The following MANSC1 variants were observed in gnomAD, a reference collection of about 807,000 sequenced individuals.
The protein encoded by MANSC1 is MANSC domain containing 1.
A neutral mutation model predicts 14.1 loss-of-function variants in MANSC1; 13 were observed. The observed-to-expected ratio is 0.92, with a 90% CI of 0.60 to 1.46. The LOEUF is 1.46. Among genes scored for constraint, MANSC1 ranks in the 40% most tolerant of loss-of-function variants. The pLI is 0.00. For missense variants in MANSC1, 486 were observed against 511.4 expected (o/e 0.95, Z 0.48); for synonymous variants, 227 against 200.7 (o/e 1.13, Z -1.11).
At position 12,350,143 on chromosome 12, in the gene MANSC1, G is replaced by A. The variant is rs1863059290; in HGVS notation, c.-166C>T. The A allele has an allele frequency of 6.6e-6, 1 of 152,318 alleles. No homozygotes were observed. The highest frequency in any genetic ancestry group is 2.4e-5 in the African/African-American group (1 of 41,466). The allele number at this position is 152,318 out of a possible 1,614,324, so 9.4% of individuals were successfully genotyped here. ...GTGCGAGGACAGCTCTGTCGCGCCCGCGGGAAGGACCGGCGAATCCGCGCG... is the reference window on the plus strand; with the variant it reads ...GTGCGAGGACAGCTCTGTCGCGCCCACGGGAAGGACCGGCGAATCCGCGCG... On this transcript the variant is annotated 5_prime_UTR_variant, in exon 1 of 4. Coordinates refer to ENST00000535902, the MANE Select transcript of MANSC1 (RefSeq NM_018050.4).
chr12:12,343,167 T>C lies in MANSC1; in HGVS notation c.148A>G (p.Arg50Gly), dbSNP rs1444784069. 2.5e-6 allele frequency: 4 copies of C among 1,614,084 alleles called. No homozygotes were observed. The highest frequency in any genetic ancestry group is 1.7e-5 in the Admixed American group (1 of 60,028). The change falls in exon 2 of 4, where the codon AGA becomes GGA. Residue 50 changes from arginine (R) to glycine (G), a missense_variant. Transcript: ENST00000535902. ...GAAGTATATACGGGCTCATTGCCTCTGATTCCCTTAGAAAGAGATGACTGG... is the reference window on the plus strand; with the variant it reads ...GAAGTATATACGGGCTCATTGCCTCCGATTCCCTTAGAAAGAGATGACTGG... ...DIQSSLSKGI[R>G]GNEPVYTSTQ...
chr12:12,338,586 G>T, intron 2 of MANSC1, 26 bp from the exon 3 acceptor site: 2 of 1,606,048 alleles, frequency 1.2e-6, no homozygotes, highest in Non-Finnish European at 1.7e-6. Context: ...TCATAAGCAT[G>T]ATTTTGAAAT....
rs1322580294 is a variant in MANSC1, at chr12:12,333,098, G to A, written c.365-2140C>T. 4.6e-5 allele frequency among the ~76,000 whole-genome samples: 7 copies of A among 151,744 alleles called. No individual in the cohort carries two copies. In the South Asian group the frequency reaches 6.3e-4, roughly 14 times the overall value. On this transcript the variant is annotated intron_variant, in intron 3 of 3. Coordinates refer to ENST00000535902, the MANE Select transcript of MANSC1 (RefSeq NM_018050.4). ...GTCTTGCTCTGTCACCCAGGCTGGA[G>A]TGCAGTGGCACAAACACAGCTCACT...
chr12:12,338,389 C>G (rs1371178741), intron 3 of MANSC1, 31 bp downstream of exon 3: 2 of 1,534,526 alleles, frequency 1.3e-6, no homozygotes, highest in African/African-American at 2.8e-5. Context: ...TTATTCCAAT[C>G]ACAAAAGAAA....
At chr12:12,336,140 AAAC>A (rs1042413098) in intron 3 of MANSC1, among the ~76,000 whole-genome samples, 6 of 152,172 alleles carry the variant, frequency 3.9e-5, no homozygotes, top group South Asian at 2.1e-4. Context: ...TCTGTCTCAA[AAAC>A]AACAACAACA....
At position 12,350,160 on chromosome 12, in the gene MANSC1, A is replaced by T. The variant is rs1863059579; in HGVS notation, c.-183T>A. 1 of 152,230 alleles carries T rather than the reference A, an allele frequency of 6.6e-6. No homozygotes were observed. The highest frequency in any genetic ancestry group is 1.5e-5 in the Non-Finnish European group (1 of 68,070). 9.4% of individuals were successfully genotyped at this position (152,230 alleles called of 1,614,324 possible). A position where few individuals can be genotyped will look rare whatever the true frequency, so the allele number is the denominator to read the frequency against. On this transcript the variant is annotated 5_prime_UTR_variant, in exon 1 of 4. Transcript: ENST00000535902. ...TCGCGCCCGCGGGAAGGACCGGCGA[A>T]TCCGCGCGGGGGTCTCGGCGAGGAC... is the stretch of plus-strand genomic sequence containing the variant.
chr12:12,330,537 T>C lies in MANSC1; in HGVS notation c.786A>G (p.Pro262=). ...CAGGTGGAGCTGTGGTGGCCAGCTGTGGCTGGGAAGTCCCAGAAGGTGTCA... is the reference window on the plus strand; with the variant it reads ...CAGGTGGAGCTGTGGTGGCCAGCTGCGGCTGGGAAGTCCCAGAAGGTGTCA... ...ASVTPSGTSQ[P]QLATTAPPVT... is the part of the protein sequence containing the mutation. Residue 262 remains proline, a synonymous_variant, in exon 4 of 4, where the codon CCA becomes CCG. Transcript: ENST00000535902. 3 of 1,614,120 alleles carry C rather than the reference T, an allele frequency of 1.9e-6. No individual in the cohort carries two copies. Among genetic ancestry groups the C allele is most frequent in the Non-Finnish European group, 1.7e-6 (2 of 1,180,014 alleles).
Position 12,338,565 on chromosome 12 carries a change from A to G in MANSC1, c.224-5T>C, listed in dbSNP as rs1862890275. ...TCAAGTTACATGCTTTGTCCCCTGC[A>G]ATGAAAGGTTTCATAAGCATGATTT... On this transcript the variant is annotated splice_polypyrimidine_tract_variant and splice_region_variant and intron_variant, in intron 2 of 3. Transcript: ENST00000535902. 6 of 1,609,260 alleles carry G rather than the reference A, an allele frequency of 3.7e-6. No homozygotes were observed. The highest frequency in any genetic ancestry group is 5.1e-6 in the Non-Finnish European group (6 of 1,178,884).
chr12:12,346,055 T>G (rs540031432), intron 1 of MANSC1, among the ~76,000 whole-genome samples: 1 of 152,116 alleles, frequency 6.6e-6, no homozygotes, highest in African/African-American at 2.4e-5. Flanking sequence ...AGGCAGATCA[T>G]GAGGTCAGGA....
chr12:12,339,430 A>T (rs560976537), intron 2 of MANSC1, among the ~76,000 whole-genome samples: 1 of 151,620 alleles, frequency 6.6e-6, no homozygotes, highest in South Asian at 2.1e-4. Flanking sequence ...CCACACTCGG[A>T]TTTTTTTTGG....
At chr12:12,331,223 A>G (rs1175049665) in intron 3 of MANSC1, among the ~76,000 whole-genome samples, 1 of 152,186 alleles carries the variant, frequency 6.6e-6, no homozygotes, top group East Asian at 1.9e-4. Flanking sequence ...TTTCATTGAA[A>G]TGTGTGCAAA....
chr12:12,335,215 G>A (rs1592031029), intron 3 of MANSC1, among the ~76,000 whole-genome samples: 2 of 151,922 alleles, frequency 1.3e-5, no homozygotes, highest in Admixed American at 6.6e-5. Flanking sequence ...CATCTCGCCC[G>A]CCACTCCCTG....
intron 1 of MANSC1, among the ~76,000 whole-genome samples, chr12:12,347,390 G>A (rs1863023446): frequency 6.6e-6 from 1 of 152,180 alleles, no homozygotes; most frequent in Admixed American, 6.5e-5. Flanking sequence ...AGGAGGTGGA[G>A]CTCAGGCAGT....
At chr12:12,342,584 GTTTT>G (rs760560592) in intron 2 of MANSC1, among the ~76,000 whole-genome samples, 6 of 41,810 alleles carry the variant, frequency 1.4e-4, no homozygotes, top group African/African-American at 1.9e-4. Flanking sequence ...GTGTTTTTTT[GTTTT>G]TTTTTTTTTT....
At chr12:12,338,825 CCAAAG>C (rs1862894715) in intron 2 of MANSC1, 1 of 479,384 alleles carries the variant, frequency 2.1e-6, no homozygotes, top group South Asian at 2.2e-5. Flanking sequence ...AAAGTCAAAG[CCAAAG>C]CAAAGTCTTT....
intron 2 of MANSC1, among the ~76,000 whole-genome samples, chr12:12,339,456 T>C (rs1449927915): frequency 1.3e-5 from 2 of 152,014 alleles, no homozygotes; most frequent in Admixed American, 6.6e-5. Context: ...TTTGTAGAGA[T>C]GGAGTCTCTC....
intron 2 of MANSC1, among the ~76,000 whole-genome samples, chr12:12,342,837 A>G (rs3825260): frequency 0.73 from 111,405 of 151,962 alleles, 41,994 homozygotes; most frequent in East Asian, 0.93. Context: ...TCTAGATACC[A>G]GTTGGGATAT....
At position 12,326,317 on chromosome 12, in the gene MANSC1, A is replaced by AGAGAAAAGG. The variant is rs1862701111; in HGVS notation, c.*3709_*3710insCCTTTTCTC. On this transcript the variant is annotated 3_prime_UTR_variant, in exon 4 of 4. Coordinates refer to ENST00000535902, the MANE Select transcript of MANSC1 (RefSeq NM_018050.4). The stretch of plus-strand genomic sequence containing the variant: ...TTAGAAAGGGCTTTTCTCCTTGTGC[A>AGAGAAAAGG]GCCTTCCCTTTACAAGCAAGAAAAT... 1 of 152,196 alleles carries AGAGAAAAGG rather than the reference A, an allele frequency of 6.6e-6. No homozygotes were observed. The highest frequency in any genetic ancestry group is 1.5e-5 in the Non-Finnish European group (1 of 68,048). The allele number at this position is 152,196 out of a possible 1,614,324, so 9.4% of individuals were successfully genotyped here.
intron 3 of MANSC1, among the ~76,000 whole-genome samples, chr12:12,336,978 A>G (rs910943060): frequency 7.9e-5 from 12 of 152,204 alleles, no homozygotes; most frequent in African/African-American, 2.9e-4. Context: ...CTTAAATAAA[A>G]GAAAAATTGA....
Sources: allele counts gnomAD v4.1 joint callset (sites outside exome capture counted in the v4.1 genomes callset), GRCh38; gene constraint gnomAD v4.1.1; transcripts MANE v1.5; gene names NCBI Gene and HGNC (gene_info 2026-07-23, HGNC 2026-07-21).